Variants in AGBL1 observed in about 807,000 individuals in gnomAD.
AGBL1 encodes AGBL carboxypeptidase 1.
Under a neutral mutation model 118.9 loss-of-function variants are expected in AGBL1, and 130 were observed. That is an observed-to-expected ratio of 1.09 (90% CI 0.95 to 1.26). AGBL1 has a LOEUF of 1.26. AGBL1 is among the 50% of genes most tolerant of loss of function. The probability of loss-of-function intolerance (pLI) is 0.00; values close to 1 mark genes in which losing one functional copy is unlikely to be tolerated. For synonymous variants in AGBL1, 555 were observed against 478.9 expected (o/e 1.16, Z -2.08); for missense variants, 1,584 against 1,298.1 (o/e 1.22, Z -3.38).
chr15:86,300,938 G>T (rs116296207), intron 17 of AGBL1, among the ~76,000 whole-genome samples: 277 of 152,324 alleles, frequency 1.8e-3, no homozygotes, highest in African/African-American at 6.2e-3. Flanking sequence ...TGGGTTGGGA[G>T]TTGTCACTTG....
In AGBL1 at chr15:86,716,190, A is replaced by T. The variant is rs74691866; in HGVS notation, c.3158+41754A>T. ...TCTCCTCCATTCCTGGAATCTCTCT[A>T]CCATTCCCAGTCTAGGTCTTTCTCA... On this transcript the variant is annotated intron_variant, in intron 22 of 22. Transcript: ENST00000614907. 2.7e-3 allele frequency among the ~76,000 whole-genome samples: 409 copies of T among 152,220 alleles called. 1 individual carries two copies. The highest frequency in any genetic ancestry group is 9.3e-3 in the African/African-American group (385 of 41,538).
intron 21 of AGBL1, among the ~76,000 whole-genome samples, chr15:86,663,015 T>C (rs1248228996): frequency 6.6e-6 from 1 of 152,228 alleles, no homozygotes; most frequent in Non-Finnish European, 1.5e-5. Context: ...GCTGTGGGGC[T>C]TGGAGGTCTA....
chr15:86,572,831 A>T (rs2084030574), intron 21 of AGBL1, among the ~76,000 whole-genome samples: 1 of 152,160 alleles, frequency 6.6e-6, no homozygotes, highest in Admixed American at 6.5e-5. Context: ...TGCTGCCTGG[A>T]ATTTTCTATT....
intron 17 of AGBL1, among the ~76,000 whole-genome samples, chr15:86,370,246 G>A (rs1391828840): frequency 3.3e-5 from 5 of 151,358 alleles, no homozygotes; most frequent in Admixed American, 6.6e-5. Flanking sequence ...GTGTCTTGGA[G>A]TGAGGATTTA....
At chr15:86,898,782 A>G (rs1267276596) in intron 22 of AGBL1, among the ~76,000 whole-genome samples, 2 of 151,602 alleles carry the variant, frequency 1.3e-5, no homozygotes, top group African/African-American at 2.4e-5. Flanking sequence ...TAAGAATATG[A>G]AAAAAAAAGC....
chr15:86,504,971 T>C (rs1339975773), intron 18 of AGBL1, among the ~76,000 whole-genome samples: 1 of 151,816 alleles, frequency 6.6e-6, no homozygotes, highest in African/African-American at 2.4e-5. Flanking sequence ...AATTCTCTTA[T>C]TATTTTCTTT....
At chr15:86,746,134 C>G (rs1270205016) in intron 22 of AGBL1, among the ~76,000 whole-genome samples, 2 of 152,070 alleles carry the variant, frequency 1.3e-5, no homozygotes, top group Non-Finnish European at 2.9e-5. Context: ...GTTCACCACA[C>G]TGTAGCCCAA....
intron 22 of AGBL1, among the ~76,000 whole-genome samples, chr15:86,809,446 C>G (rs1004034904): frequency 6.6e-6 from 1 of 152,132 alleles, no homozygotes; most frequent in Non-Finnish European, 1.5e-5. Flanking sequence ...AACCAGGATT[C>G]TTTTTATCCT....
At chr15:86,964,720 G>C (rs1424883014) in intron 23 of AGBL1, among the ~76,000 whole-genome samples, 1 of 151,628 alleles carries the variant, frequency 6.6e-6, no homozygotes, top group Non-Finnish European at 1.5e-5. Context: ...CACGTGCAAT[G>C]GTGTTTTGCT....
At chr15:86,535,375 C>T (rs1218597054) in intron 19 of AGBL1, among the ~76,000 whole-genome samples, 1 of 152,202 alleles carries the variant, frequency 6.6e-6, no homozygotes, top group Non-Finnish European at 1.5e-5. Context: ...ATCCCTGGGA[C>T]TGGAAGAAAG....
At chr15:86,883,523 C>G (rs1488493971) in intron 22 of AGBL1, among the ~76,000 whole-genome samples, 2 of 152,158 alleles carry the variant, frequency 1.3e-5, no homozygotes, top group African/African-American at 4.8e-5. Context: ...CCTGCCTCCC[C>G]CTGACAGAGT....
intron 23 of AGBL1, among the ~76,000 whole-genome samples, chr15:86,924,795 A>G (rs1239623636): frequency 1.3e-5 from 2 of 152,152 alleles, no homozygotes; most frequent in Middle Eastern, 3.4e-3. Context: ...CACCTGGGTG[A>G]TCAGGTGCGG....
chr15:86,823,619 T>C (rs1159149727), intron 22 of AGBL1, among the ~76,000 whole-genome samples: 1 of 152,116 alleles, frequency 6.6e-6, no homozygotes, highest in African/African-American at 2.4e-5. Context: ...GCTAATGTGT[T>C]TGAGTGAGAA....
intron 23 of AGBL1, among the ~76,000 whole-genome samples, chr15:86,950,790 A>T (rs920180792): frequency 3.9e-5 from 6 of 152,108 alleles, no homozygotes; most frequent in Non-Finnish European, 8.8e-5. Flanking sequence ...ACAAAAGAGG[A>T]TGTCAAAATG....
intron 22 of AGBL1, among the ~76,000 whole-genome samples, chr15:86,827,835 G>C (rs2141407754): frequency 6.7e-6 from 1 of 149,186 alleles, no homozygotes; most frequent in Non-Finnish European, 1.5e-5. Flanking sequence ...GGTGGATTAT[G>C]GTGGCTACCA....
At chr15:86,286,689 A>ATATATATGTGTGTGTG (rs1164535585) in intron 16 of AGBL1, among the ~76,000 whole-genome samples, 1 of 129,376 alleles carries the variant, frequency 7.7e-6, no homozygotes. Flanking sequence ...ATGTATGTAT[A>ATATATATGTGTGTGTG]TATATATGTG....
At chr15:86,571,065 G>A (rs564352180) in intron 21 of AGBL1, among the ~76,000 whole-genome samples, 31 of 152,256 alleles carry the variant, frequency 2.0e-4, no homozygotes, top group African/African-American at 7.2e-4. Context: ...GCTCTTGGCC[G>A]AGCTGTGGCT....
At chr15:86,200,549 T>TTC (rs1567121519) in intron 5 of AGBL1, among the ~76,000 whole-genome samples, 4 of 31,978 alleles carry the variant, frequency 1.3e-4, no homozygotes, top group Non-Finnish European at 1.9e-4. Context: ...AATAGACCCC[T>TTC]ACCCCCCCCC....
intron 18 of AGBL1, among the ~76,000 whole-genome samples, chr15:86,496,271 C>T (rs568444963): frequency 2.0e-5 from 3 of 152,152 alleles, no homozygotes; most frequent in South Asian, 2.1e-4. Flanking sequence ...GTACCTGCTT[C>T]CCTTTTGCCT....
Sources: allele counts gnomAD v4.1 joint callset (sites outside exome capture counted in the v4.1 genomes callset), GRCh38; gene constraint gnomAD v4.1.1; transcripts MANE v1.5; gene names NCBI Gene and HGNC (gene_info 2026-07-23, HGNC 2026-07-21).